The following SCUBE1 variants were observed in gnomAD, a reference collection of about 807,000 sequenced individuals.
SCUBE1 encodes signal peptide, CUB and EGF-like domain-containing protein 1.
In SCUBE1, 59 loss-of-function variants were observed where a neutral mutation model predicts 124.4. The observed-to-expected ratio is 0.47, with a 90% CI of 0.38 to 0.59. The LOEUF (loss-of-function observed/expected upper bound fraction) is 0.59. SCUBE1 is among the 20% of genes least tolerant of loss of function. The probability of loss-of-function intolerance (pLI) is 0.00; values close to 1 mark genes in which losing one functional copy is unlikely to be tolerated. For missense variants in SCUBE1, 1,150 were observed against 1,371.2 expected (o/e 0.84, Z 2.55); for synonymous variants, 545 against 550.9 (o/e 0.99, Z 0.15).
At chr22:43,308,065 A>G (rs567843716) in intron 3 of SCUBE1, among the ~76,000 whole-genome samples, 2 of 119,282 alleles carry the variant, frequency 1.7e-5, no homozygotes, top group African/African-American at 2.9e-5. Context: ...CGAAACACAC[A>G]AAGGTCTGAA....
intron 3 of SCUBE1, among the ~76,000 whole-genome samples, chr22:43,299,643 C>T (rs1326097599): frequency 1.3e-5 from 2 of 152,198 alleles, no homozygotes; most frequent in East Asian, 3.9e-4. Context: ...TGAGATAGAA[C>T]TCATGGAGCA....
intron 4 of SCUBE1, among the ~76,000 whole-genome samples, chr22:43,271,781 A>G (rs1924302185): frequency 6.6e-6 from 1 of 152,112 alleles, no homozygotes; most frequent in South Asian, 2.1e-4. Context: ...CCTCTGGGAA[A>G]TGCAAGTGAC....
At chr22:43,232,556 T>G (rs747327694) in intron 7 of SCUBE1, 3 of 152,228 alleles carry the variant, frequency 2.0e-5, no homozygotes, top group Non-Finnish European at 4.4e-5. Context: ...GGCCTGACGC[T>G]CCCCCCTTTC....
chr22:43,228,984 G>A, intron 9 of SCUBE1, 88 bp downstream of exon 9: 1 of 932,044 alleles, frequency 1.1e-6, no homozygotes, highest in Non-Finnish European at 1.7e-6. Context: ...GTTGAGGGCA[G>A]GGTTGGGATG....
intron 8 of SCUBE1, among the ~76,000 whole-genome samples, chr22:43,231,373 G>A (rs1207132242): frequency 6.6e-6 from 1 of 152,224 alleles, no homozygotes; most frequent in Non-Finnish European, 1.5e-5. Flanking sequence ...CAGCAGGTGA[G>A]GATTGTTTGA....
At position 43,320,007 on chromosome 22, in the gene SCUBE1, G is replaced by T; in HGVS notation, c.279C>A (p.Asn93Lys). ...YNGGCVHECI[N>K]IPGNYRCTCF... The stretch of plus-strand genomic sequence containing the variant: ...AGGTACACCTGTAGTTCCCCGGGAT[G>T]TTGATGCACTCGTGGACACAGCCCC... The change falls in exon 3 of 22, where the codon AAC becomes AAA. Residue 93 changes from asparagine to lysine, a missense_variant. Transcript: ENST00000360835. 6.2e-7 allele frequency: 1 copy of T among 1,614,162 alleles called. No homozygotes were observed. Among genetic ancestry groups the T allele is most frequent in the Non-Finnish European group, 8.5e-7 (1 of 1,180,010 alleles).
At chr22:43,324,978 C>A (rs1361304652) in intron 2 of SCUBE1, among the ~76,000 whole-genome samples, 3 of 148,786 alleles carry the variant, frequency 2.0e-5, no homozygotes, top group African/African-American at 7.5e-5. Context: ...GGCCTTAATA[C>A]AATGCTGCTG....
At chr22:43,240,594 A>G (rs780841270) in intron 6 of SCUBE1, among the ~76,000 whole-genome samples, 2 of 152,328 alleles carry the variant, frequency 1.3e-5, no homozygotes. Context: ...GGAGCCCCTC[A>G]GGCAGCCAAC....
chr22:43,296,984 G>C (rs907364259), intron 3 of SCUBE1, among the ~76,000 whole-genome samples: 3 of 152,246 alleles, frequency 2.0e-5, no homozygotes, highest in African/African-American at 7.2e-5. Flanking sequence ...AGCTGGGGGA[G>C]GTCAGAGGTG....
In SCUBE1 at chr22:43,220,529, A is replaced by G; in HGVS notation, c.1608T>C (p.Arg536=). 4 of 1,614,130 alleles carry G rather than the reference A, an allele frequency of 2.5e-6. No homozygotes were observed. In the South Asian group the frequency reaches 4.4e-5, roughly 18 times the overall value. Residue 536 remains arginine (R), a synonymous_variant, in exon 14 of 22, where the codon CGT becomes CGC. Transcript: ENST00000360835. Reference sequence around the variant, plus strand: ...CCTCCTTGGATGGGGACTTGCGGCCACGGCGCCTCTTCTTGGAGGAGTCAC... The same window carrying G: ...CCTCCTTGGATGGGGACTTGCGGCCGCGGCGCCTCTTCTTGGAGGAGTCAC... ...LKCDSSKKRR[R]GRKSPSKEVS...
At chr22:43,245,687 C>T (rs951775645) in intron 6 of SCUBE1, among the ~76,000 whole-genome samples, 2 of 152,202 alleles carry the variant, frequency 1.3e-5, no homozygotes, top group South Asian at 2.1e-4. Flanking sequence ...TACACAGCCC[C>T]GTGACTCTGA....
intron 3 of SCUBE1, 98 bp from the exon 4 acceptor site, chr22:43,291,278 A>T: frequency 7.4e-7 from 1 of 1,352,948 alleles, no homozygotes. Flanking sequence ...ATTTCCTCAC[A>T]TGGCCCTGAA....
Position 43,218,272 on chromosome 22 carries a change from A to G in SCUBE1, c.1874T>C (p.Leu625Pro). 6.2e-7 allele frequency: 1 copy of G among 1,613,076 alleles called. No individual in the cohort carries two copies. Among genetic ancestry groups the G allele is most frequent in the East Asian group, 2.2e-5 (1 of 44,870 alleles). ...GGACTCACCGCATTTGCTGTCCTGT[A>G]GCACCTGGCCTGCGCCACATGCCCC... ...GQGACGAGQV[L>P]QDSKCVACGP... Residue 625 changes from leucine to proline, a missense_variant, in exon 15 of 22, where the codon CTA (leucine) becomes CCA (proline). Leu to Pro is a moderately conservative substitution (Grantham distance 98, BLOSUM62 -3). This residue lies in a region of SCUBE1 where 757 missense variants were observed against 840.9 expected (regional missense o/e 0.90). Transcript: ENST00000360835.
intron 7 of SCUBE1, among the ~76,000 whole-genome samples, chr22:43,236,796 G>A (rs1601818738): frequency 1.3e-5 from 2 of 152,148 alleles, no homozygotes; most frequent in East Asian, 3.8e-4. Context: ...AATTATCTCA[G>A]TGATTTTAAA....
rs72487669 is a variant in SCUBE1, at chr22:43,280,419, C to T, written c.484+10627G>A. 2.7e-4 allele frequency among the ~76,000 whole-genome samples: 31 copies of T among 113,714 alleles called. 1 individual carries two copies. The highest frequency in any genetic ancestry group is 1.1e-3 in the African/African-American group (26 of 23,170). The allele number at this position is 113,714 out of a possible 152,430, so 74.6% of individuals were successfully genotyped here. ...CCCGTCCCTTCCCCTCACCCATCCT[C>T]CTGTCCCTTCCCCTCACCCATCCCC... On this transcript the variant is annotated intron_variant, in intron 4 of 21. Coordinates refer to ENST00000360835, the MANE Select transcript of SCUBE1 (RefSeq NM_173050.5).
chr22:43,339,875 A>C (rs1402688467), intron 1 of SCUBE1, among the ~76,000 whole-genome samples: 1 of 56,358 alleles, frequency 1.8e-5, no homozygotes, highest in Admixed American at 2.5e-4. Flanking sequence ...CTATCCCCCC[A>C]CAAGCATCAC....
At chr22:43,231,463 G>A in intron 8 of SCUBE1, among the ~76,000 whole-genome samples, 1 of 152,360 alleles carries the variant, frequency 6.6e-6, no homozygotes, top group South Asian at 2.1e-4. Flanking sequence ...TCGATGCTGG[G>A]AGGCCCGTGG....
chr22:43,231,938 G>T (rs1922570645), intron 7 of SCUBE1, 63 bp from the exon 8 acceptor site: 7 of 1,591,026 alleles, frequency 4.4e-6, no homozygotes, highest in Middle Eastern at 1.7e-4. Context: ...TGACCAGCGG[G>T]GGGACGGCAG....
rs1281182374 is a variant in SCUBE1, at chr22:43,207,606, G to A, written c.2742C>T (p.Tyr914=). Residue 914 remains tyrosine (Y), a synonymous_variant, in exon 21 of 22, where the codon TAC becomes TAT. Transcript: ENST00000360835. ...GCACGATGTCCTCTATGAGTTGCTGGTAGTCCTCTGGGCAGCGGGTCAGCA... is the reference window on the plus strand; with the variant it reads ...GCACGATGTCCTCTATGAGTTGCTGATAGTCCTCTGGGCAGCGGGTCAGCA... The part of the protein sequence containing the change: ...QVPYVTYDED[Y]QQLIEDIVRD... 1.9e-6 allele frequency: 3 copies of A among 1,613,812 alleles called. No homozygotes were observed. The highest frequency in any genetic ancestry group is 1.1e-5 in the South Asian group (1 of 91,080).
Sources: gnomAD v4.1 joint callset for allele counts (sites outside exome capture counted in the v4.1 genomes callset) on GRCh38, gnomAD v4.1.1 for gene constraint, gnomAD v4.1.1 regional missense constraint, MANE v1.5 for transcripts, NCBI Gene and HGNC (gene_info 2026-07-23, HGNC 2026-07-21) for gene names.